Variants in RHBDL3 observed in about 807,000 individuals in gnomAD.
RHBDL3 encodes rhomboid like 3, also known as rhomboid-related protein 3.
In RHBDL3, 28 loss-of-function variants were observed where a neutral mutation model predicts 48.2. The observed-to-expected ratio is 0.58, with a 90% CI of 0.43 to 0.80. RHBDL3 has a LOEUF of 0.80. Ranked by LOEUF, RHBDL3 falls within the 30% of genes least tolerant of loss-of-function variation. The probability of loss-of-function intolerance (pLI) is 0.00; values close to 1 mark genes in which losing one functional copy is unlikely to be tolerated. For missense variants in RHBDL3, 464 were observed against 542.7 expected (o/e 0.85, Z 1.44); for synonymous variants, 208 against 232.3 (o/e 0.90, Z 0.95).
At position 32,316,375 on chromosome 17, in the gene RHBDL3, G is replaced by A. The variant is rs550534262; in HGVS notation, c.943+83G>A. 11 of 1,048,884 alleles carry A rather than the reference G, an allele frequency of 1.0e-5. No individual in the cohort carries two copies. In the East Asian group the frequency reaches 2.2e-4, roughly 21 times the overall value. 65.0% of individuals were successfully genotyped at this position (1,048,884 alleles called of 1,614,324 possible). A position where few individuals can be genotyped will look rare whatever the true frequency, so the allele number is the denominator to read the frequency against. ...AGATGGCACAGTTCCTGCCCTTCAC[G>A]GGCTTATGGTCAAGAAAAAAAAAGT... On this transcript the variant is annotated intron_variant, in intron 8 of 8. Coordinates refer to ENST00000269051, the MANE Select transcript of RHBDL3 (RefSeq NM_138328.3).
chr17:32,280,238 G>A (rs950055871), intron 2 of RHBDL3: 1 of 152,436 alleles, frequency 6.6e-6, no homozygotes, highest in Non-Finnish European at 1.5e-5. Context: ...ACATTCTAAC[G>A]GCTGCCCCGA....
At chr17:32,316,869 A>T (rs1442562080) in intron 8 of RHBDL3, among the ~76,000 whole-genome samples, 1 of 145,276 alleles carries the variant, frequency 6.9e-6, no homozygotes, top group Non-Finnish European at 1.5e-5. Context: ...TATTTTATTT[A>T]TTTTATTTTA....
chr17:32,298,872 G>A (rs576911940), intron 6 of RHBDL3, among the ~76,000 whole-genome samples: 290 of 152,308 alleles, frequency 1.9e-3, no homozygotes, highest in Non-Finnish European at 2.6e-3. Flanking sequence ...ATCCTTCATG[G>A]ATAGTGGCCA....
At chr17:32,309,208 GTGTGTGTGA>G (rs2040782395) in intron 7 of RHBDL3, among the ~76,000 whole-genome samples, 1 of 141,350 alleles carries the variant, frequency 7.1e-6, no homozygotes, top group Non-Finnish European at 1.5e-5. Flanking sequence ...GTGTGTGTGT[GTGTGTGTGA>G]GATACACAGT....
rs151220968 is a variant in RHBDL3 at position 32,286,914 on chromosome 17, T to G, written c.295-1878T>G. Reference sequence around the variant, plus strand: ...AGAAGAAGAGGCTCCTTTATCTGATTGGCACAACAGCTCTGTATGGGCTAG... The same window carrying G: ...AGAAGAAGAGGCTCCTTTATCTGATGGGCACAACAGCTCTGTATGGGCTAG... On this transcript the variant is annotated intron_variant, in intron 3 of 8. Transcript: ENST00000269051. Among the ~76,000 whole-genome samples the G allele has an allele frequency of 3.5e-4, 54 of 152,302 alleles. 1 individual carries two copies. In the East Asian group the frequency reaches 6.7e-3, roughly 19 times the overall value.
intron 6 of RHBDL3, among the ~76,000 whole-genome samples, chr17:32,303,790 G>T (rs1311382441): frequency 6.6e-6 from 1 of 152,118 alleles, no homozygotes; most frequent in Non-Finnish European, 1.5e-5. Flanking sequence ...TTTATCAGGG[G>T]GCTCTGCTGC....
At chr17:32,269,555 T>G (rs1244492930) in intron 2 of RHBDL3, among the ~76,000 whole-genome samples, 2 of 152,118 alleles carry the variant, frequency 1.3e-5, no homozygotes, top group Non-Finnish European at 2.9e-5. Flanking sequence ...GGTTTGAAGT[T>G]CAAAGCATGC....
intron 6 of RHBDL3, among the ~76,000 whole-genome samples, chr17:32,302,000 G>A (rs113158248): frequency 0.029 from 4,376 of 152,300 alleles, 81 homozygotes; most frequent in Non-Finnish European, 0.038. Flanking sequence ...GTTTATCTGT[G>A]TGCTGGCATG....
chr17:32,300,710 G>A (rs2040561360), intron 6 of RHBDL3, among the ~76,000 whole-genome samples: 1 of 152,182 alleles, frequency 6.6e-6, no homozygotes, highest in Non-Finnish European at 1.5e-5. Flanking sequence ...CATATGATGA[G>A]GGGTTTGCGG....
At chr17:32,317,860 ACCAAAGG>A (rs2041013356) in intron 8 of RHBDL3, among the ~76,000 whole-genome samples, 1 of 152,134 alleles carries the variant, frequency 6.6e-6, no homozygotes, top group African/African-American at 2.4e-5. Flanking sequence ...AAGACCAAAG[ACCAAAGG>A]CCAAAGGGCT....
rs932226216 is a variant in RHBDL3 at position 32,294,440 on chromosome 17, A to C, written c.666A>C (p.Ala222=). 6.2e-7 allele frequency: 1 copy of C among 1,613,768 alleles called. No individual in the cohort carries two copies. Among genetic ancestry groups the C allele is most frequent in the Admixed American group, 1.7e-5 (1 of 59,950 alleles). Residue 222 remains alanine, a splice_region_variant and synonymous_variant, in exon 5 of 9, where the codon GCA becomes GCC. Coordinates refer to ENST00000269051, the MANE Select transcript of RHBDL3 (RefSeq NM_138328.3). The stretch of plus-strand genomic sequence containing the variant: ...ACCTGACATACATCTTCATGCATGC[A>C]GGGTGAGTACCTGTCTTCTTTTGCT... ...WRYLTYIFMH[A]GIEHLGLNVV...
chr17:32,309,770 CT>C (rs11346917), intron 7 of RHBDL3, among the ~76,000 whole-genome samples: 2,339 of 123,362 alleles, frequency 0.019, 13 homozygotes, highest in African/African-American at 0.037. Context: ...ATCAAGACTT[CT>C]TTTTTTTTTT....
intron 2 of RHBDL3, among the ~76,000 whole-genome samples, chr17:32,278,361 G>C (rs1370964696): frequency 6.6e-6 from 1 of 152,164 alleles, no homozygotes; most frequent in Non-Finnish European, 1.5e-5. Context: ...GAAAAACAAG[G>C]GAGGGCAAGA....
chr17:32,321,070 C>T lies in RHBDL3; in HGVS notation c.1056C>T (p.Thr352=). The change falls in exon 9 of 9, where the codon ACC becomes ACT. Residue 352 remains threonine, a synonymous_variant. Transcript: ENST00000269051. ...TGGGTGGCGTGGCCGTGGGCATCAC[C>T]CTGGGCGTGGTGGTCCTGAGGAACT... ...AHLGGVAVGI[T]LGVVVLRNYE... The T allele has an allele frequency of 6.2e-7, 1 of 1,614,240 alleles. No homozygotes were observed. Among genetic ancestry groups the T allele is most frequent in the Non-Finnish European group, 8.5e-7 (1 of 1,180,034 alleles).
chr17:32,269,430 A>G (rs1365490480), intron 2 of RHBDL3, among the ~76,000 whole-genome samples: 1 of 152,252 alleles, frequency 6.6e-6, no homozygotes, highest in East Asian at 1.9e-4. Flanking sequence ...GTTCAGTTAG[A>G]GGAGCCAGCC....
intron 6 of RHBDL3, among the ~76,000 whole-genome samples, chr17:32,302,951 T>C (rs1264690297): frequency 1.3e-5 from 2 of 152,222 alleles, no homozygotes; most frequent in Non-Finnish European, 2.9e-5. Flanking sequence ...AGAGTTTTGC[T>C]GCTCAAAAGT....
In RHBDL3 at chr17:32,282,593, A is replaced by T. The variant is rs563894903; in HGVS notation, c.136-2066A>T. Among the ~76,000 whole-genome samples, 6 of 152,218 alleles carry T rather than the reference A, an allele frequency of 3.9e-5. No individual in the cohort carries two copies. The South Asian group carries it at 1.2e-3, about 32-fold the overall frequency. On this transcript the variant is annotated intron_variant, in intron 2 of 8. Coordinates refer to ENST00000269051, the MANE Select transcript of RHBDL3 (RefSeq NM_138328.3). ...AACAAAAAACAATAGACCTCATTGG[A>T]GATGTCCTTTCTTGTTCAATTCTGT...
chr17:32,302,927 AG>A (rs965762730), intron 6 of RHBDL3, among the ~76,000 whole-genome samples: 2 of 152,164 alleles, frequency 1.3e-5, no homozygotes, highest in African/African-American at 4.8e-5. Context: ...GTCCCTGAAA[AG>A]TTTCCTTTGA....
intron 2 of RHBDL3, among the ~76,000 whole-genome samples, chr17:32,273,226 T>A (rs1016696026): frequency 6.6e-6 from 1 of 152,180 alleles, no homozygotes; most frequent in Non-Finnish European, 1.5e-5. Flanking sequence ...GGTCTCGAAC[T>A]CCTGACCTCA....
Sources: allele counts gnomAD v4.1 joint callset (sites outside exome capture counted in the v4.1 genomes callset), GRCh38; gene constraint gnomAD v4.1.1; transcripts MANE v1.5; gene names NCBI Gene and HGNC (gene_info 2026-07-23, HGNC 2026-07-21).